Variants in CFAP54 observed in about 807,000 individuals in gnomAD.
The protein encoded by CFAP54 is cilia and flagella associated protein 54.
Under a neutral mutation model 370.4 loss-of-function variants are expected in CFAP54, and 290 were observed. The observed-to-expected ratio is 0.78, with a 90% confidence interval of 0.71 to 0.86. CFAP54 has a LOEUF of 0.86. CFAP54 is among the 40% of genes least tolerant of loss of function. The pLI is 0.00. For synonymous variants in CFAP54, 1,206 were observed against 1,236.5 expected (o/e 0.98, Z 0.52); for missense variants, 3,399 against 3,528.7 (o/e 0.96, Z 0.93).
chr12:96,616,404 C>G (rs1396774618), intron 26 of CFAP54, among the ~76,000 whole-genome samples: 1 of 152,088 alleles, frequency 6.6e-6, no homozygotes, highest in African/African-American at 2.4e-5. Context: ...GGAGATATAT[C>G]TAATGTAAAT....
At chr12:96,509,735 G>C (rs1024637689) in intron 4 of CFAP54, among the ~76,000 whole-genome samples, 3 of 151,448 alleles carry the variant, frequency 2.0e-5, no homozygotes, top group Admixed American at 6.6e-5. Context: ...AGAATTGCTT[G>C]AATCTGGGAG....
chr12:96,655,233 C>G (rs1222358848), intron 36 of CFAP54, among the ~76,000 whole-genome samples: 2 of 146,048 alleles, frequency 1.4e-5, no homozygotes, highest in Non-Finnish European at 3.0e-5. Flanking sequence ...TCAGAGGTTT[C>G]AAAAAGAAAT....
At position 96,790,131 on chromosome 12, in the gene CFAP54, G is replaced by A. The variant is rs74383256; in HGVS notation, c.8680-2198G>A. Among the ~76,000 whole-genome samples the A allele has an allele frequency of 9.5e-3, 1,446 of 152,192 alleles. 55 individuals carry two copies. The East Asian group carries it at 0.1, about 11-fold the overall frequency. On this transcript the variant is annotated intron_variant, in intron 62 of 67. Coordinates refer to ENST00000524981, the MANE Select transcript of CFAP54 (RefSeq NM_001306084.2). ...GGAGCTTTGTGATGGAAAAACAAAG[G>A]TGGCAAACAAGTTACATTAAAAATT...
intron 5 of CFAP54, among the ~76,000 whole-genome samples, chr12:96,517,374 A>G (rs971562490): frequency 4.6e-5 from 7 of 152,220 alleles, no homozygotes; most frequent in African/African-American, 1.7e-4. Context: ...AGCAAATCAA[A>G]TACAATGTGA....
intron 36 of CFAP54, among the ~76,000 whole-genome samples, chr12:96,656,625 C>T (rs898847084): frequency 6.6e-6 from 1 of 152,236 alleles, no homozygotes; most frequent in African/African-American, 2.4e-5. Context: ...AGTTGATCTG[C>T]CCTCCTCGGC....
chr12:96,726,564 C>T (rs1957840631), intron 50 of CFAP54, among the ~76,000 whole-genome samples: 1 of 152,058 alleles, frequency 6.6e-6, no homozygotes, highest in African/African-American at 2.4e-5. Flanking sequence ...ATTCTTCTCT[C>T]TTTTTTTCTT....
At chr12:96,647,081 A>G (rs980440437) in intron 33 of CFAP54, 1 of 152,174 alleles carries the variant, frequency 6.6e-6, no homozygotes, top group African/African-American at 2.4e-5. Flanking sequence ...GTGCACATGT[A>G]CCCTAAAACT....
chr12:96,593,363 C>G (rs891381190), intron 24 of CFAP54, among the ~76,000 whole-genome samples: 3 of 151,614 alleles, frequency 2.0e-5, no homozygotes, highest in Non-Finnish European at 1.5e-5. Context: ...TTGCTATTTC[C>G]TACCCATCCA....
At chr12:96,818,526 G>C (rs1409727176) in intron 65 of CFAP54, among the ~76,000 whole-genome samples, 9 of 152,194 alleles carry the variant, frequency 5.9e-5, no homozygotes. Context: ...TACTGATAAA[G>C]CTGATTAGTG....
At chr12:96,753,699 C>A in intron 55 of CFAP54, 44 bp from the exon 56 acceptor site, 2 of 1,582,836 alleles carry the variant, frequency 1.3e-6, no homozygotes, top group Non-Finnish European at 1.7e-6. Flanking sequence ...TTATAAACAC[C>A]GTGTATTTTT....
At chr12:96,552,081 T>C (rs1038919918) in intron 15 of CFAP54, among the ~76,000 whole-genome samples, 5 of 151,878 alleles carry the variant, frequency 3.3e-5, no homozygotes, top group Middle Eastern at 3.4e-3. Context: ...ACCCCATGTC[T>C]ACTAAAAATA....
At chr12:96,828,710 T>C (rs1439202752) in intron 65 of CFAP54, among the ~76,000 whole-genome samples, 1 of 152,196 alleles carries the variant, frequency 6.6e-6, no homozygotes, top group Non-Finnish European at 1.5e-5. Flanking sequence ...TCTTCTCTGC[T>C]GCAAGCCCTT....
chr12:96,752,085 T>TGAGAGAGGGAGAGA (rs1958190623), intron 55 of CFAP54, among the ~76,000 whole-genome samples: 1 of 90,568 alleles, frequency 1.1e-5, no homozygotes, highest in Non-Finnish European at 2.2e-5. Flanking sequence ...TCTTCCTGGA[T>TGAGAGAGGGAGAGA]GAGAGAGAGA....
At chr12:96,811,412 G>A (rs911821496) in intron 63 of CFAP54, among the ~76,000 whole-genome samples, 1 of 152,178 alleles carries the variant, frequency 6.6e-6, no homozygotes, top group Non-Finnish European at 1.5e-5. Context: ...AAGGAACAAA[G>A]TTGGCTATTT....
At chr12:96,640,736 T>C (rs933731194) in intron 32 of CFAP54, among the ~76,000 whole-genome samples, 3 of 152,090 alleles carry the variant, frequency 2.0e-5, no homozygotes, top group African/African-American at 7.2e-5. Context: ...AGATATAGAC[T>C]AATGGAACAG....
At chr12:96,666,184 T>G (rs9308302) in intron 39 of CFAP54, among the ~76,000 whole-genome samples, 134,032 of 152,252 alleles carry the variant, frequency 0.88, 59,193 homozygotes, top group East Asian at 0.96. Context: ...GCACATTTTT[T>G]TCTTCTTTTT....
intron 50 of CFAP54, among the ~76,000 whole-genome samples, chr12:96,721,158 G>A (rs999321284): frequency 1.6e-4 from 25 of 152,026 alleles, no homozygotes; most frequent in African/African-American, 6.0e-4. Context: ...TTTTTAAAAA[G>A]ACTAAACCTT....
At chr12:96,663,264 G>A (rs1427300045) in intron 38 of CFAP54, among the ~76,000 whole-genome samples, 2 of 152,222 alleles carry the variant, frequency 1.3e-5, no homozygotes, top group Non-Finnish European at 2.9e-5. Flanking sequence ...TGTATTTTGA[G>A]TGATAGGTTA....
intron 1 of CFAP54, among the ~76,000 whole-genome samples, chr12:96,491,648 G>C (rs999111802): frequency 2.6e-5 from 4 of 152,182 alleles, no homozygotes; most frequent in Non-Finnish European, 4.4e-5. Context: ...GGTAGAGAAA[G>C]TATTTCAGGA....
Sources: allele counts gnomAD v4.1 joint callset (sites outside exome capture counted in the v4.1 genomes callset), GRCh38; gene constraint gnomAD v4.1.1; transcripts MANE v1.5; gene names NCBI Gene and HGNC (gene_info 2026-07-23, HGNC 2026-07-21).